Variants in MYH11 observed in about 807,000 individuals in gnomAD.
MYH11 encodes the protein myosin heavy chain 11, also known as myosin-11.
In MYH11, 80 loss-of-function variants were observed where a neutral mutation model predicts 246.6. That is an observed-to-expected ratio of 0.32 (90% confidence interval 0.27 to 0.39). MYH11 has a LOEUF of 0.39. Among genes scored for constraint, MYH11 ranks in the 10% least tolerant of loss-of-function variants. The probability of loss-of-function intolerance (pLI) is 1.00; values close to 1 mark genes in which losing one functional copy is unlikely to be tolerated. For synonymous variants in MYH11, 1,071 were observed against 1,015.5 expected (o/e 1.05, Z -1.04); for missense variants, 2,158 against 2,546.8 (o/e 0.85, Z 3.29).
intron 17 of MYH11, 46 bp downstream of exon 17, chr16:15,748,001 G>T: frequency 1.2e-6 from 2 of 1,614,160 alleles, no homozygotes; most frequent in Non-Finnish European, 1.7e-6. Context: ...CCTCCACCCA[G>T]TCCCGCTCAC....
chr16:15,813,973 G>A (rs970715079), intron 3 of MYH11, among the ~76,000 whole-genome samples: 11 of 151,434 alleles, frequency 7.3e-5, no homozygotes, highest in African/African-American at 2.2e-4. Context: ...TGGCCAACCC[G>A]TCTCTACTAA....
intron 1 of MYH11, among the ~76,000 whole-genome samples, chr16:15,856,555 C>T (rs753054857): frequency 1.3e-5 from 2 of 152,012 alleles, no homozygotes; most frequent in Non-Finnish European, 2.9e-5. Flanking sequence ...CACCGGACCT[C>T]TGAGATTTCC....
At chr16:15,787,481 C>CTTT (rs370002467) in intron 4 of MYH11, among the ~76,000 whole-genome samples, 3,450 of 115,906 alleles carry the variant, frequency 0.03, 179 homozygotes, top group East Asian at 0.16. Flanking sequence ...GAATTATCTA[C>CTTT]TTTTTTTTTT....
intron 15 of MYH11, among the ~76,000 whole-genome samples, chr16:15,751,850 G>C (rs1461348871): frequency 6.6e-6 from 1 of 151,898 alleles, no homozygotes; most frequent in Non-Finnish European, 1.5e-5. Flanking sequence ...CCAGGCTGGA[G>C]TCCAATGGCA....
chr16:15,776,001 G>A, intron 8 of MYH11, 77 bp downstream of exon 8: 1 of 1,076,674 alleles, frequency 9.3e-7, no homozygotes, highest in Non-Finnish European at 1.5e-6. Context: ...TGTTTTAATA[G>A]CCAATCCCTT....
intron 16 of MYH11, among the ~76,000 whole-genome samples, chr16:15,748,503 AC>A (rs1190335303): frequency 6.8e-6 from 1 of 146,442 alleles, no homozygotes; most frequent in Non-Finnish European, 1.5e-5. Flanking sequence ...ATATCTCCCA[AC>A]CCCCCCACTT....
At position 15,778,749 on chromosome 16, in the gene MYH11, C is replaced by G. The variant is rs1483822883; in HGVS notation, c.790+31G>C. On this transcript the variant is annotated intron_variant, in intron 7 of 40. Transcript: ENST00000300036. ...AGGAGATTGGTAGGGGGCAGGGGTA[C>G]CCATTTGGCCCAGGCTCAGGGAAAG... 3 of 1,608,924 alleles carry G rather than the reference C, an allele frequency of 1.9e-6. No individual in the cohort carries two copies. In the African/African-American group the frequency reaches 4.0e-5, roughly 22 times the overall value.
chr16:15,723,958 A>G (rs1009986575), intron 31 of MYH11, among the ~76,000 whole-genome samples: 4 of 152,218 alleles, frequency 2.6e-5, no homozygotes, highest in African/African-American at 7.2e-5. Context: ...CACAGTCATC[A>G]AGGCTTCTTT....
intron 9 of MYH11, among the ~76,000 whole-genome samples, 197 bp from the exon 10 acceptor site, chr16:15,764,088 C>A (rs1009176164): frequency 7.2e-5 from 11 of 152,090 alleles, no homozygotes; most frequent in African/African-American, 2.7e-4. Context: ...CAGGGACTGG[C>A]AAATTACAGC....
At chr16:15,730,138 T>C (rs62029310) in intron 27 of MYH11, among the ~76,000 whole-genome samples, 7,983 of 152,094 alleles carry the variant, frequency 0.052, 235 homozygotes, top group Non-Finnish European at 0.067. Context: ...CCTTCCACCA[T>C]GATGGTAAGT....
At chr16:15,770,769 C>T (rs115051892) in intron 9 of MYH11, among the ~76,000 whole-genome samples, 1,884 of 152,230 alleles carry the variant, frequency 0.012, 38 homozygotes, top group African/African-American at 0.043. Context: ...CCTAAGCCAA[C>T]CAATCAGAGT....
rs962621608 is a variant in MYH11, at chr16:15,756,192, C to T, written c.1749+149G>A. ...GCCTTACAGATGCGTAGACAAATTA[C>T]GAATAGGACTTGGTTGGGATTCGCT... is the stretch of plus-strand genomic sequence containing the variant. On this transcript the variant is annotated intron_variant, in intron 14 of 40. Coordinates refer to ENST00000300036, the MANE Select transcript of MYH11 (RefSeq NM_002474.3). 2.0e-5 allele frequency: 17 copies of T among 850,018 alleles called. No individual in the cohort carries two copies. In the Admixed American group the frequency reaches 2.1e-4, roughly 10 times the overall value. 52.7% of individuals were successfully genotyped at this position (850,018 alleles called of 1,614,324 possible).
chr16:15,720,325 T>TAG lies in MYH11; in HGVS notation c.4792-15_4792-14dup. ...CATACTCGTGAAGCTGGGCGAGGAA[T>TAG]AGAGATGTGTGCTGCCCCACTTGCC... On this transcript the variant is annotated splice_polypyrimidine_tract_variant and intron_variant, in intron 33 of 40. Coordinates refer to ENST00000300036, the MANE Select transcript of MYH11 (RefSeq NM_002474.3). 1.2e-6 allele frequency: 2 copies of TAG among 1,612,432 alleles called. No individual in the cohort carries two copies. The highest frequency in any genetic ancestry group is 1.7e-6 in the Non-Finnish European group (2 of 1,179,282).
chr16:15,836,552 A>T (rs181492493), intron 2 of MYH11, among the ~76,000 whole-genome samples: 175 of 151,418 alleles, frequency 1.2e-3, no homozygotes, highest in Non-Finnish European at 2.0e-3. Flanking sequence ...GGCGCACACC[A>T]TCATGCCCAG....
intron 3 of MYH11, among the ~76,000 whole-genome samples, chr16:15,798,959 G>C (rs1219214894): frequency 6.6e-6 from 1 of 152,166 alleles, no homozygotes; most frequent in Non-Finnish European, 1.5e-5. Flanking sequence ...ATCAGCTCTG[G>C]AGGTGTCCCG....
intron 10 of MYH11, among the ~76,000 whole-genome samples, chr16:15,761,237 A>G (rs1277549828): frequency 6.6e-6 from 1 of 151,930 alleles, no homozygotes; most frequent in Non-Finnish European, 1.5e-5. Flanking sequence ...CAGCCTCCCG[A>G]GTAGCTGGCA....
intron 31 of MYH11, among the ~76,000 whole-genome samples, chr16:15,722,313 G>A (rs1305063773): frequency 6.6e-6 from 1 of 152,244 alleles, no homozygotes; most frequent in Non-Finnish European, 1.5e-5. Flanking sequence ...AAGAGCCTCA[G>A]TAGGGAAATG....
intron 6 of MYH11, chr16:15,779,300 G>T: frequency 4.2e-6 from 1 of 239,188 alleles, no homozygotes; most frequent in Non-Finnish European, 8.1e-6. Flanking sequence ...CACCATATCT[G>T]GCTAATTTTT....
intron 6 of MYH11, 68 bp downstream of exon 6, chr16:15,782,317 C>T (rs559728024): frequency 7.2e-7 from 1 of 1,396,412 alleles, no homozygotes; most frequent in East Asian, 2.3e-5. Flanking sequence ...CACGCAAACA[C>T]TCTGCAGCCC....
Sources: allele counts gnomAD v4.1 joint callset (sites outside exome capture counted in the v4.1 genomes callset), GRCh38; gene constraint gnomAD v4.1.1; transcripts MANE v1.5; gene names NCBI Gene and HGNC (gene_info 2026-07-23, HGNC 2026-07-21).